The following MYH14 variants were observed in gnomAD, a reference collection of about 807,000 sequenced individuals.
The protein encoded by MYH14 is myosin heavy chain 14.
A neutral mutation model predicts 255.5 loss-of-function variants in MYH14; 123 were observed. The ratio of observed to expected loss-of-function variants is 0.48; its 90% CI spans 0.42 to 0.56. The LOEUF (loss-of-function observed/expected upper bound fraction) is 0.56. Among genes scored for constraint, MYH14 ranks in the 20% least tolerant of loss-of-function variants. The pLI, the probability that MYH14 is intolerant of heterozygous loss-of-function variation, is 0.00. For missense variants in MYH14, 2,423 were observed against 2,802.3 expected (o/e 0.86, Z 3.06); for synonymous variants, 1,095 against 1,161.2 (o/e 0.94, Z 1.16).
chr19:50,226,961 A>G lies in MYH14; in HGVS notation c.869A>G (p.Glu290Gly). The change falls in exon 8 of 43, where the codon GAG becomes GGG. Residue 290 changes from glutamate to glycine, a missense_variant. By Grantham distance (98) the Glu-to-Gly change is moderately conservative. Around this residue, in one of 3 missense-constraint regions of MYH14, gnomAD observed 672 missense variants for 881.8 expected, o/e 0.76. Transcript: ENST00000642316. ...VAGYIVGANI[E>G]TYLLEKSRAI... is the part of the protein sequence containing the mutation. The stretch of plus-strand genomic sequence containing the variant: ...GGGTACATCGTGGGCGCCAACATTG[A>G]GACCTGTATCCTCTCACAGCCCATG... 6.2e-7 allele frequency: 1 copy of G among 1,613,732 alleles called. No homozygotes were observed. Among genetic ancestry groups the G allele is most frequent in the Non-Finnish European group, 8.5e-7 (1 of 1,179,780 alleles).
chr19:50,278,163 G>A lies in MYH14; in HGVS notation c.3906G>A (p.Gln1302=), dbSNP rs1164281701. 1.9e-6 allele frequency: 3 copies of A among 1,612,636 alleles called. No homozygotes were observed. The South Asian group carries it at 3.3e-5, about 18-fold the overall frequency. The change falls in exon 30 of 43, where the codon CAG becomes CAA. Residue 1302 remains glutamine, a synonymous_variant. Coordinates refer to ENST00000642316, the MANE Select transcript of MYH14 (RefSeq NM_001145809.2). ...SELRAELSSL[Q]TARQEGEQRR... ...TGCGGGCAGAACTGAGCAGCCTGCA[G>A]ACTGCACGTCAGGAGGGTGAGCAGC...
chr19:50,229,324 G>A (rs759940804), intron 8 of MYH14, among the ~76,000 whole-genome samples: 7 of 152,298 alleles, frequency 4.6e-5, no homozygotes, highest in Non-Finnish European at 1.0e-4. Context: ...GTTAAGCAAA[G>A]TGTATGGTGT....
chr19:50,230,061 C>T lies in MYH14; in HGVS notation c.875-464C>T, dbSNP rs1028439344. On this transcript the variant is annotated intron_variant, in intron 8 of 42. Coordinates refer to ENST00000642316, the MANE Select transcript of MYH14 (RefSeq NM_001145809.2). The surrounding 1 kb of genome is among the most constrained non-coding windows in gnomAD (Gnocchi z 4.7). ...TCCCAAGCAGCTGAGATTACAGGCACCCGCGATCACACCTATAATTTTTGT... is the reference window on the plus strand; with the variant it reads ...TCCCAAGCAGCTGAGATTACAGGCATCCGCGATCACACCTATAATTTTTGT... 1.3e-5 allele frequency among the ~76,000 whole-genome samples: 2 copies of T among 152,102 alleles called. No individual in the cohort carries two copies. The highest frequency in any genetic ancestry group is 1.3e-4 in the Admixed American group (2 of 15,272).
chr19:50,278,060 TGCTCATCTCCTTCCCACACCAGG>T lies in MYH14; in HGVS notation c.3826-20_3828del. 6.6e-7 allele frequency: 1 copy of T among 1,517,310 alleles called. No individual in the cohort carries two copies. Among genetic ancestry groups the T allele is most frequent in the Non-Finnish European group, 8.9e-7 (1 of 1,124,310 alleles). The allele number at this position is 1,517,310 out of a possible 1,614,324, so 94.0% of individuals were successfully genotyped here. A position where few individuals can be genotyped will look rare whatever the true frequency, so the allele number is the denominator to read the frequency against. The stretch of plus-strand genomic sequence containing the variant: ...GTCCAGGAAAGGCCTCATAGATCTT[TGCTCATCTCCTTCCCACACCAGG>T]GCAAAGGTGCATGGGAGAAGACCCG... On this transcript the variant is annotated splice_acceptor_variant and splice_polypyrimidine_tract_variant and coding_sequence_variant and intron_variant, in exon 30 of 43. Coordinates refer to ENST00000642316, the MANE Select transcript of MYH14 (RefSeq NM_001145809.2).
chr19:50,284,385 G>C (rs78604854), intron 33 of MYH14, among the ~76,000 whole-genome samples: 16,726 of 151,624 alleles, frequency 0.11, 1,023 homozygotes, highest in East Asian at 0.2. Context: ...TTTGTTTTTT[G>C]AGACGGAGTC....
intron 17 of MYH14, among the ~76,000 whole-genome samples, chr19:50,256,973 A>G (rs2034612467): frequency 6.6e-6 from 1 of 152,214 alleles, no homozygotes; most frequent in Non-Finnish European, 1.5e-5. Context: ...TGTTATTGTC[A>G]TCATTTATTG....
chr19:50,243,978 CTTT>C (rs74268485), intron 10 of MYH14, among the ~76,000 whole-genome samples: 1 of 143,450 alleles, frequency 7.0e-6, no homozygotes. Context: ...AAGATGGATT[CTTT>C]TTTTTTTTTT....
chr19:50,290,826 G>T, intron 35 of MYH14, 61 bp from the exon 36 acceptor site: 1 of 1,506,474 alleles, frequency 6.6e-7, no homozygotes, highest in Non-Finnish European at 9.0e-7. Context: ...CATGTCCCTA[G>T]CACACAGAGG....
At chr19:50,240,318 C>T (rs1430638597) in intron 10 of MYH14, among the ~76,000 whole-genome samples, 1 of 152,208 alleles carries the variant, frequency 6.6e-6, no homozygotes, top group Non-Finnish European at 1.5e-5. Context: ...GTGGCTTATG[C>T]CTGTAATCCC....
rs75500515 is a variant in MYH14 at position 50,268,040 on chromosome 19, G to GC, written c.2827-117dup. 93,532 of 1,269,596 alleles carry GC rather than the reference G, an allele frequency of 0.074. 4,197 individuals are homozygous for GC. The highest frequency in any genetic ancestry group is 0.19 in the East Asian group (7,593 of 39,074). The allele number at this position is 1,269,596 out of a possible 1,614,324, so 78.6% of individuals were successfully genotyped here. A position where few individuals can be genotyped will look rare whatever the true frequency, so the allele number is the denominator to read the frequency against. ...GGAGGTGGGGACACCGTGTCCTCCTGCCCCTCAGTCCTGCCCTGGAGAACT... is the reference window on the plus strand; with the variant it reads ...GGAGGTGGGGACACCGTGTCCTCCTGCCCCCTCAGTCCTGCCCTGGAGAACT... On this transcript the variant is annotated intron_variant, in intron 23 of 42. Coordinates refer to ENST00000642316, the MANE Select transcript of MYH14 (RefSeq NM_001145809.2).
chr19:50,295,025 TTA>T (rs1491571517), intron 39 of MYH14, among the ~76,000 whole-genome samples: 1 of 20,548 alleles, frequency 4.9e-5, no homozygotes, highest in African/African-American at 7.3e-5. Context: ...TTTTTTTTTT[TTA>T]AAAACAGGCC....
At position 50,310,416 on chromosome 19, in the gene MYH14, T is replaced by C. The variant is rs1483062809; in HGVS notation, c.*626T>C. 6.5e-6 allele frequency: 1 copy of C among 154,418 alleles called. No individual in the cohort carries two copies. Among genetic ancestry groups the C allele is most frequent in the Non-Finnish European group, 1.4e-5 (1 of 69,716 alleles). 9.6% of individuals were successfully genotyped at this position (154,418 alleles called of 1,614,324 possible). A position where few individuals can be genotyped will look rare whatever the true frequency, so the allele number is the denominator to read the frequency against. The stretch of plus-strand genomic sequence containing the variant: ...AGGGGACCCCTCTCACTCCTGCTGC[T>C]GCCCATGCTCTGCCCTCCCTTCTGG... On this transcript the variant is annotated 3_prime_UTR_variant, in exon 43 of 43. Transcript: ENST00000642316.
At chr19:50,235,714 T>G (rs182440031) in intron 10 of MYH14, among the ~76,000 whole-genome samples, 14 of 150,234 alleles carry the variant, frequency 9.3e-5, no homozygotes, top group African/African-American at 2.9e-4. Flanking sequence ...AGTCCAGGAG[T>G]AGGAGACTAC....
intron 16 of MYH14, 51 bp from the exon 17 acceptor site, chr19:50,255,169 C>A: frequency 1.7e-6 from 2 of 1,207,224 alleles, no homozygotes; most frequent in South Asian, 1.3e-5. Context: ...TCTCCGCCAT[C>A]TCTCTGCCAT....
chr19:50,224,059 ATG>A, intron 5 of MYH14, 93 bp from the exon 6 acceptor site: 4 of 338,856 alleles, frequency 1.2e-5, no homozygotes, highest in South Asian at 3.5e-5. Context: ...CCCACCCCCC[ATG>A]CCACCACCTG....
chr19:50,283,642 C>T (rs942676237), intron 33 of MYH14, among the ~76,000 whole-genome samples: 3 of 152,126 alleles, frequency 2.0e-5, no homozygotes, highest in African/African-American at 7.2e-5. Context: ...TTAACATTTC[C>T]CTAATGACCA....
intron 35 of MYH14, among the ~76,000 whole-genome samples, 200 bp downstream of exon 35, chr19:50,289,848 C>T (rs1401785936): frequency 6.6e-6 from 1 of 152,092 alleles, no homozygotes; most frequent in Non-Finnish European, 1.5e-5. Context: ...GTCTCCCCAC[C>T]TGCCTGCCAC....
intron 13 of MYH14, 52 bp from the exon 14 acceptor site, chr19:50,249,598 G>GGGTCTCTGTCCCCTGTCTCTC: frequency 6.2e-7 from 1 of 1,610,342 alleles, no homozygotes; most frequent in Non-Finnish European, 8.5e-7. Context: ...CCCTGTCTCT[G>GGGTCTCTGTCCCCTGTCTCTC]GGTCTCTGTC....
chr19:50,309,036 T>C lies in MYH14; in HGVS notation c.5819T>C (p.Leu1940Pro). The C allele has an allele frequency of 1.2e-6, 2 of 1,613,396 alleles. No homozygotes were observed. Among genetic ancestry groups the C allele is most frequent in the Non-Finnish European group, 1.7e-6 (2 of 1,179,586 alleles). Reference protein sequence around the residue: ...LEKGNLRVKQLKRQLEEAEEE... With the variant: ...LEKGNLRVKQPKRQLEEAEEE... ...AAGGGAAACCTTCGAGTCAAGCAGC[T>C]GAAGCGGCAGCTGGAGGAGGCCGAG... is the stretch of plus-strand genomic sequence containing the variant. Residue 1940 changes from leucine (L) to proline (P), a missense_variant, in exon 42 of 43, where the codon CTG becomes CCG. By Grantham distance (98) the Leu-to-Pro change is moderately conservative. Coordinates refer to ENST00000642316, the MANE Select transcript of MYH14 (RefSeq NM_001145809.2).
Sources: allele counts gnomAD v4.1 joint callset (sites outside exome capture counted in the v4.1 genomes callset), GRCh38; gene constraint gnomAD v4.1.1; regional missense constraint gnomAD v4.1.1; non-coding constraint Gnocchi (gnomAD v3.1); transcripts MANE v1.5; gene names NCBI Gene and HGNC (gene_info 2026-07-23, HGNC 2026-07-21).